The following ANKRD11 variants were observed in gnomAD, a reference collection of about 807,000 sequenced individuals.
ANKRD11 encodes the protein ankyrin repeat domain 11.
Under a neutral mutation model 195.7 loss-of-function variants are expected in ANKRD11, and 17 were observed. That is an observed-to-expected ratio of 0.09 (90% CI 0.06 to 0.13). The LOEUF is 0.13. Ranked by LOEUF, ANKRD11 falls within the 10% of genes least tolerant of loss-of-function variation. The pLI is 1.00. For synonymous variants in ANKRD11, 1,953 were observed against 1,528.1 expected (o/e 1.28, Z -6.49); for missense variants, 3,735 against 3,566.1 (o/e 1.05, Z -1.21).
intron 6 of ANKRD11, among the ~76,000 whole-genome samples, chr16:89,290,410 G>T (rs2034974919): frequency 1.2e-5 from 1 of 84,606 alleles, no homozygotes; most frequent in African/African-American, 4.6e-5. Flanking sequence ...TCCAATTGGG[G>T]GAGGCTCAGG....
rs748776555 is a variant in ANKRD11, at chr16:89,349,897, CACACACACACACACAT to C, written c.-59-32835_-59-32820del. On this transcript the variant is annotated intron_variant, in intron 2 of 12. Coordinates refer to ENST00000301030, the MANE Select transcript of ANKRD11 (RefSeq NM_013275.6). ...ACACACACACACACACACACACACA[CACACACACACACACAT>C]ATTCAAACAACAAATAGCTGGTAAA... 2.3e-3 allele frequency among the ~76,000 whole-genome samples: 304 copies of C among 131,476 alleles called. 1 individual carries two copies. The highest frequency in any genetic ancestry group is 5.7e-3 in the African/African-American group (193 of 33,646). 86.3% of individuals were successfully genotyped at this position (131,476 alleles called of 152,430 possible).
intron 1 of ANKRD11, among the ~76,000 whole-genome samples, chr16:89,436,469 G>C (rs973851278): frequency 6.6e-6 from 1 of 152,004 alleles, no homozygotes; most frequent in Non-Finnish European, 1.5e-5. Context: ...ATCAACAAGA[G>C]ATTCAAGCAG....
intron 1 of ANKRD11, among the ~76,000 whole-genome samples, chr16:89,432,435 T>C (rs1379565997): frequency 6.6e-6 from 1 of 152,010 alleles, no homozygotes; most frequent in Non-Finnish European, 1.5e-5. Flanking sequence ...TGTTGAGGGG[T>C]GCTGTCTGGC....
intron 4 of ANKRD11, among the ~76,000 whole-genome samples, chr16:89,301,831 T>C (rs1323364313): frequency 6.6e-6 from 1 of 152,102 alleles, no homozygotes; most frequent in African/African-American, 2.4e-5. Flanking sequence ...CACATCTCCA[T>C]GGCACTGGAC....
chr16:89,431,882 G>A (rs2042993626), intron 1 of ANKRD11, among the ~76,000 whole-genome samples: 1 of 152,032 alleles, frequency 6.6e-6, no homozygotes, highest in African/African-American at 2.4e-5. Context: ...TGTATCCCCT[G>A]CCTTGCTGCA....
At chr16:89,278,561 G>A in intron 9 of ANKRD11, 1 of 457,114 alleles carries the variant, frequency 2.2e-6, no homozygotes, top group Non-Finnish European at 4.4e-6. Context: ...GCTGGGGGCC[G>A]AGGACCAAGC....
chr16:89,316,237 T>C (rs1240992279), intron 3 of ANKRD11, among the ~76,000 whole-genome samples: 2 of 152,206 alleles, frequency 1.3e-5, no homozygotes, highest in African/African-American at 4.8e-5. Context: ...ACCTGACTTG[T>C]TGACGGTCAC....
At chr16:89,447,264 C>A (rs1221982187) in intron 1 of ANKRD11, among the ~76,000 whole-genome samples, 1 of 152,168 alleles carries the variant, frequency 6.6e-6, no homozygotes, top group Non-Finnish European at 1.5e-5. Context: ...CCTCATTAAA[C>A]TCCTAAAGAC....
intron 3 of ANKRD11, among the ~76,000 whole-genome samples, chr16:89,315,787 T>C (rs2036918267): frequency 6.6e-6 from 1 of 152,232 alleles, no homozygotes; most frequent in African/African-American, 2.4e-5. Context: ...AGAAGTGGAC[T>C]GAGTCGCCAT....
At chr16:89,427,203 A>T (rs1197507404) in intron 1 of ANKRD11, among the ~76,000 whole-genome samples, 1 of 152,258 alleles carries the variant, frequency 6.6e-6, no homozygotes, top group Non-Finnish European at 1.5e-5. Context: ...AACAAATTTA[A>T]CCAAAGAAGT....
intron 1 of ANKRD11, among the ~76,000 whole-genome samples, chr16:89,441,528 G>C (rs1484013002): frequency 6.6e-6 from 1 of 152,028 alleles, no homozygotes; most frequent in Non-Finnish European, 1.5e-5. Context: ...AGCACTTTGG[G>C]AGGCCAAGGC....
chr16:89,380,266 C>T lies in ANKRD11; in HGVS notation c.-60+38018G>A, dbSNP rs148642364. Among the ~76,000 whole-genome samples the T allele has an allele frequency of 8.8e-3, 1,347 of 152,264 alleles. 13 individuals carry two copies. The highest frequency in any genetic ancestry group is 0.026 in the African/African-American group (1,065 of 41,550). On this transcript the variant is annotated intron_variant, in intron 2 of 12. Coordinates refer to ENST00000301030, the MANE Select transcript of ANKRD11 (RefSeq NM_013275.6). The stretch of plus-strand genomic sequence containing the variant: ...TAGTTGGTATTACAGGCATGTGCCA[C>T]GACGCCTGGCTAATTCTGTATTTTT...
At chr16:89,403,294 C>T (rs2041776872) in intron 2 of ANKRD11, among the ~76,000 whole-genome samples, 1 of 152,174 alleles carries the variant, frequency 6.6e-6, no homozygotes. Flanking sequence ...GTGAGCAATC[C>T]TGTGTGGCCT....
At chr16:89,315,307 G>A (rs143020136) in intron 3 of ANKRD11, among the ~76,000 whole-genome samples, 313 of 152,266 alleles carry the variant, frequency 2.1e-3, no homozygotes, top group African/African-American at 7.2e-3. Context: ...CCAACCCCAC[G>A]AGATGAGGAA....
chr16:89,458,578 C>T (rs190065497), intron 1 of ANKRD11, among the ~76,000 whole-genome samples: 10 of 152,314 alleles, frequency 6.6e-5, no homozygotes, highest in Admixed American at 1.3e-4. Flanking sequence ...TACTTTGCCA[C>T]GCTTTCACTC....
At position 89,279,740 on chromosome 16, in the gene ANKRD11, G is replaced by C; in HGVS notation, c.6802C>G (p.Leu2268Val). 3 of 1,527,154 alleles carry C rather than the reference G, an allele frequency of 2.0e-6. No individual in the cohort carries two copies. The highest frequency in any genetic ancestry group is 1.4e-5 in the African/African-American group (1 of 73,068). The allele number at this position is 1,527,154 out of a possible 1,614,324, so 94.6% of individuals were successfully genotyped here. The change falls in exon 9 of 13, where the codon CTC (leucine) becomes GTC (valine). Residue 2268 changes from leucine to valine, a missense_variant. By Grantham distance (32) the Leu-to-Val change is conservative. Coordinates refer to ENST00000301030, the MANE Select transcript of ANKRD11 (RefSeq NM_013275.6). The surrounding 1 kb of genome is among the most constrained non-coding windows in gnomAD (Gnocchi z 5.6). The part of the protein sequence containing the change: ...AEAEGPPAAS[L>V]CAPDGPAPNT... ...GGGGCGGGGCCGTCAGGGGCACAGA[G>C]GGACGCGGCGGGGGGGCCTTCAGCC... is the stretch of plus-strand genomic sequence containing the variant.
At chr16:89,393,753 T>G (rs958008476) in intron 2 of ANKRD11, among the ~76,000 whole-genome samples, 1 of 152,222 alleles carries the variant, frequency 6.6e-6, no homozygotes, top group South Asian at 2.1e-4. Context: ...GCTGGGCCTA[T>G]TGCCCTTCAT....
intron 1 of ANKRD11, among the ~76,000 whole-genome samples, chr16:89,418,860 C>T (rs1357307801): frequency 6.6e-6 from 1 of 151,680 alleles, no homozygotes. Flanking sequence ...CACCTCCCCT[C>T]CTGGGTTCAA....
At chr16:89,310,613 A>G (rs2151896614) in intron 3 of ANKRD11, among the ~76,000 whole-genome samples, 1 of 152,298 alleles carries the variant, frequency 6.6e-6, no homozygotes, top group South Asian at 2.1e-4. Flanking sequence ...AATTTCTCTC[A>G]GTTCTCAGGA....
Sources: gnomAD v4.1 joint callset for allele counts (sites outside exome capture counted in the v4.1 genomes callset) on GRCh38, gnomAD v4.1.1 for gene constraint, Gnocchi (gnomAD v3.1) non-coding constraint, MANE v1.5 for transcripts, NCBI Gene and HGNC (gene_info 2026-07-23, HGNC 2026-07-21) for gene names.